FHIT: variants seen among roughly 807,000 people sequenced by gnomAD.
FHIT encodes fragile histidine triad diadenosine triphosphatase.
FHIT carries 19 observed loss-of-function variants against 17.9 expected under a neutral mutation model. The observed-to-expected ratio is 1.06, with a 90% confidence interval of 0.74 to 1.56. The LOEUF is 1.56. Ranked by LOEUF, FHIT falls within the 40% of genes most tolerant of loss-of-function variation. FHIT has a pLI of 0.00. For synonymous variants in FHIT, 81 were observed against 69.7 expected, an observed-to-expected ratio of 1.16 and a Z score of -0.81; for missense variants, 248 against 189.2, an observed-to-expected ratio of 1.31 and a Z score of -1.82.
intron 5 of FHIT, among the ~76,000 whole-genome samples, chr3:60,443,566 G>C (rs2031085726): frequency 6.6e-6 from 1 of 152,100 alleles, no homozygotes; most frequent in East Asian, 1.9e-4. Flanking sequence ...TTCATATGAT[G>C]GATTACATTT....
At chr3:60,335,828 G>T (rs1253723568) in intron 5 of FHIT, among the ~76,000 whole-genome samples, 1 of 146,326 alleles carries the variant, frequency 6.8e-6, no homozygotes, top group Non-Finnish European at 1.6e-5. Context: ...CTTTCTATTA[G>T]ACAGTGCTGG....
At chr3:60,543,980 G>A (rs533721224) in intron 4 of FHIT, among the ~76,000 whole-genome samples, 1 of 134,956 alleles carries the variant, frequency 7.4e-6, no homozygotes, top group Non-Finnish European at 1.5e-5. Context: ...GGATAGTCTT[G>A]ATCTCCTGAC....
At chr3:60,725,934 T>TA (rs1172040945) in intron 4 of FHIT, among the ~76,000 whole-genome samples, 1 of 152,094 alleles carries the variant, frequency 6.6e-6, no homozygotes, top group Admixed American at 6.6e-5. Flanking sequence ...CTCACTGATG[T>TA]AAAAAAATTT....
At chr3:60,403,250 T>C (rs1472116783) in intron 5 of FHIT, among the ~76,000 whole-genome samples, 1 of 152,216 alleles carries the variant, frequency 6.6e-6, no homozygotes, top group East Asian at 1.9e-4. Flanking sequence ...TTTGTCTTCA[T>C]GCAGCTTCAA....
intron 4 of FHIT, among the ~76,000 whole-genome samples, chr3:60,609,420 G>A (rs2038714429): frequency 6.6e-6 from 1 of 152,042 alleles, no homozygotes; most frequent in South Asian, 2.1e-4. Flanking sequence ...CCGCCTCTCG[G>A]GTTCAAGTGA....
At chr3:61,189,087 A>G (rs141448033) in intron 2 of FHIT, among the ~76,000 whole-genome samples, 4,036 of 152,252 alleles carry the variant, frequency 0.027, 203 homozygotes, top group African/African-American at 0.092. Flanking sequence ...GGCCAGGGCG[A>G]TCAGGCAGGA....
intron 1 of FHIT, among the ~76,000 whole-genome samples, chr3:61,216,952 C>T (rs1012672073): frequency 5.8e-5 from 8 of 137,262 alleles, no homozygotes; most frequent in African/African-American, 2.0e-4. Context: ...AATGAGAACA[C>T]ATGGACACAG....
chr3:59,896,953 G>A (rs989750069), intron 8 of FHIT, among the ~76,000 whole-genome samples: 5 of 152,150 alleles, frequency 3.3e-5, no homozygotes, highest in African/African-American at 1.2e-4. Context: ...TTGGGAGGGT[G>A]AGTTGATGGT....
chr3:60,814,839 T>C (rs1553737124), intron 4 of FHIT, among the ~76,000 whole-genome samples: 1 of 152,110 alleles, frequency 6.6e-6, no homozygotes, highest in African/African-American at 2.4e-5. Context: ...TGTATAAGCA[T>C]TCCTGTTTCT....
chr3:60,280,578 C>T (rs1004798061), intron 5 of FHIT, among the ~76,000 whole-genome samples: 2 of 152,186 alleles, frequency 1.3e-5, no homozygotes, highest in Middle Eastern at 3.4e-3. Flanking sequence ...ACACCCACAC[C>T]CACAACCCAA....
intron 2 of FHIT, among the ~76,000 whole-genome samples, chr3:61,198,546 C>T (rs1453197000): frequency 6.6e-6 from 1 of 152,030 alleles, no homozygotes; most frequent in African/African-American, 2.4e-5. Context: ...GGGGGGTTCC[C>T]TCTATACTAC....
intron 5 of FHIT, among the ~76,000 whole-genome samples, chr3:60,333,226 G>A (rs1036981676): frequency 6.6e-6 from 1 of 152,124 alleles, no homozygotes. Context: ...GTATCTAATC[G>A]ATACATAATG....
At chr3:60,701,413 A>G (rs1048194730) in intron 4 of FHIT, among the ~76,000 whole-genome samples, 1 of 152,166 alleles carries the variant, frequency 6.6e-6, no homozygotes, top group African/African-American at 2.4e-5. Flanking sequence ...ATTATTACTC[A>G]AATCAGTCTC....
chr3:59,757,909 T>C (rs977213143), intron 8 of FHIT, among the ~76,000 whole-genome samples: 23 of 152,194 alleles, frequency 1.5e-4, no homozygotes, highest in East Asian at 3.9e-4. Context: ...GAACACATGA[T>C]ATATTCCAGG....
intron 3 of FHIT, among the ~76,000 whole-genome samples, chr3:60,894,222 T>C (rs1398624196): frequency 6.6e-6 from 1 of 152,230 alleles, no homozygotes; most frequent in Non-Finnish European, 1.5e-5. Flanking sequence ...AAAAGGCTAT[T>C]GTTAGATACA....
chr3:60,759,077 T>G (rs1237008666), intron 4 of FHIT, among the ~76,000 whole-genome samples: 1 of 152,128 alleles, frequency 6.6e-6, no homozygotes, highest in Non-Finnish European at 1.5e-5. Flanking sequence ...AGTGCCACTG[T>G]AGCAGAGGAA....
chr3:59,766,763 G>A (rs1157502397), intron 8 of FHIT, among the ~76,000 whole-genome samples: 1 of 152,188 alleles, frequency 6.6e-6, no homozygotes, highest in Non-Finnish European at 1.5e-5. Context: ...TATCATTGGG[G>A]AATGAAACAG....
intron 5 of FHIT, among the ~76,000 whole-genome samples, chr3:60,372,005 C>A (rs1029031551): frequency 5.9e-5 from 9 of 152,086 alleles, no homozygotes; most frequent in Non-Finnish European, 1.3e-4. Flanking sequence ...TTCTTTCATA[C>A]CATAAAGCCT....
chr3:60,167,615 A>G (rs1431864597), intron 5 of FHIT, among the ~76,000 whole-genome samples: 1 of 152,246 alleles, frequency 6.6e-6, no homozygotes, highest in Admixed American at 6.5e-5. Flanking sequence ...ATGTTCTGAT[A>G]TCTGTGAATG....
Sources: gnomAD v4.1 joint callset for allele counts (sites outside exome capture counted in the v4.1 genomes callset) on GRCh38, gnomAD v4.1.1 for gene constraint, MANE v1.5 for transcripts, NCBI Gene and HGNC (gene_info 2026-07-23, HGNC 2026-07-21) for gene names.